Variants in CASP2 observed in about 807,000 individuals in gnomAD.
CASP2 encodes the protein caspase 2, also known as caspase-2.
A neutral mutation model predicts 54.4 loss-of-function variants in CASP2; 38 were observed. The observed-to-expected ratio is 0.70, with a 90% CI of 0.54 to 0.92. The LOEUF is 0.92. CASP2 is among the 40% of genes least tolerant of loss of function. CASP2 has a pLI of 0.00. For synonymous variants in CASP2, 215 were observed against 216.3 expected (o/e 0.99, Z 0.05); for missense variants, 512 against 579.6 (o/e 0.88, Z 1.20).
intron 8 of CASP2, chr7:143,300,790 A>C: frequency 8.5e-7 from 1 of 1,179,648 alleles, no homozygotes; most frequent in Non-Finnish European, 1.1e-6. Context: ...TGGGTCATGC[A>C]GGATAGCAGA....
In CASP2 at chr7:143,289,068, G is replaced by T. The variant is rs1171299921; in HGVS notation, c.74+539G>T. Among the ~76,000 whole-genome samples the T allele has an allele frequency of 2.0e-5, 3 of 152,306 alleles. No homozygotes were observed. In the East Asian group the frequency reaches 5.8e-4, roughly 29 times the overall value. ...CTTTTGGCAGAACAAGGGGGTTCCTGTGGCTCCGAGTGTCCATGCCTCTGC... is the reference window on the plus strand; with the variant it reads ...CTTTTGGCAGAACAAGGGGGTTCCTTTGGCTCCGAGTGTCCATGCCTCTGC... On this transcript the variant is annotated intron_variant, in intron 1 of 10. Coordinates refer to ENST00000310447, the MANE Select transcript of CASP2 (RefSeq NM_032982.4).
chr7:143,295,605 A>G (rs1801721943), intron 6 of CASP2, among the ~76,000 whole-genome samples: 1 of 152,196 alleles, frequency 6.6e-6, no homozygotes, highest in Admixed American at 6.5e-5. Context: ...AATTGCTAGG[A>G]GATTCACTTT....
At chr7:143,297,865 AAG>A (rs1202256809) in intron 6 of CASP2, among the ~76,000 whole-genome samples, 5 of 152,334 alleles carry the variant, frequency 3.3e-5, no homozygotes, top group African/African-American at 1.2e-4. Context: ...ATATTCTTGA[AAG>A]AATTTTTTGA....
At chr7:143,294,553 C>G in intron 5 of CASP2, 44 bp from the exon 6 acceptor site, 1 of 1,560,138 alleles carries the variant, frequency 6.4e-7, no homozygotes. Flanking sequence ...GAGGAATCAT[C>G]TGTTATCAAG....
At position 143,294,652 on chromosome 7, in the gene CASP2, A is replaced by C; in HGVS notation, c.626A>C (p.His209Pro). The C allele has an allele frequency of 3.7e-6, 6 of 1,614,212 alleles. No homozygotes were observed. Among genetic ancestry groups the C allele is most frequent in the Non-Finnish European group, 5.1e-6 (6 of 1,180,022 alleles). Residue 209 changes from histidine (H) to proline (P), a missense_variant, in exon 6 of 11, where the codon CAC becomes CCC. Transcript: ENST00000310447. Reference protein sequence around the residue: ...RGLALVLSNVHFTGEKELEFR... With the variant: ...RGLALVLSNVPFTGEKELEFR... ...CTAGCACTGGTGTTGAGCAATGTGC[A>C]CTTCACTGGAGAGAAAGAACTGGAA...
Position 143,289,037 on chromosome 7 carries a change from T to A in CASP2, c.74+508T>A, listed in dbSNP as rs1054787535. On this transcript the variant is annotated intron_variant, in intron 1 of 10. Transcript: ENST00000310447. ...AGAAGTCAATACAGGGTTTGGAAAT[T>A]GAGTACTTTTGGCAGAACAAGGGGG... 1.2e-4 allele frequency among the ~76,000 whole-genome samples: 18 copies of A among 152,136 alleles called. 1 individual carries two copies. Among genetic ancestry groups the A allele is most frequent in the Admixed American group, 1.2e-3 (18 of 15,274 alleles).
At chr7:143,288,694 A>C (rs1356464836) in intron 1 of CASP2, among the ~76,000 whole-genome samples, 165 bp downstream of exon 1, 1 of 151,942 alleles carries the variant, frequency 6.6e-6, no homozygotes, top group Non-Finnish European at 1.5e-5. Context: ...TCCGAGCCTG[A>C]CTCCGCGCAA....
chr7:143,296,134 T>C (rs752919247), intron 6 of CASP2, among the ~76,000 whole-genome samples: 12 of 152,268 alleles, frequency 7.9e-5, no homozygotes, highest in Non-Finnish European at 1.2e-4. Flanking sequence ...CTATATATAC[T>C]GCTGTTTTCT....
At chr7:143,296,913 T>C (rs1215358123) in intron 6 of CASP2, among the ~76,000 whole-genome samples, 6 of 152,214 alleles carry the variant, frequency 3.9e-5, no homozygotes, top group African/African-American at 1.2e-4. Context: ...TCTTTGTTAT[T>C]AAGTTTTTAT....
At position 143,291,528 on chromosome 7, in the gene CASP2, G is replaced by A. The variant is rs377592126; in HGVS notation, c.75-12G>A. ...TGACTTGACAGCCTTTCCTTCTACC[G>A]TTTATCTGTAGGATATTGGGAGTGT... On this transcript the variant is annotated splice_polypyrimidine_tract_variant and intron_variant, in intron 1 of 10. Coordinates refer to ENST00000310447, the MANE Select transcript of CASP2 (RefSeq NM_032982.4). 3.2e-5 allele frequency: 52 copies of A among 1,613,680 alleles called. No individual in the cohort carries two copies. The highest frequency in any genetic ancestry group is 2.4e-4 in the African/African-American group (18 of 74,918).
Position 143,300,638 on chromosome 7 carries a change from C to T in CASP2, c.967+344C>T, listed in dbSNP as rs562988557. The T allele has an allele frequency of 3.0e-5, 39 of 1,296,666 alleles. 1 individual carries two copies. The highest frequency in any genetic ancestry group is 2.4e-4 in the African/African-American group (16 of 65,996). The allele number at this position is 1,296,666 out of a possible 1,614,324, so 80.3% of individuals were successfully genotyped here. ...TTTTTTTGGTTACTCATTCCAGTTACGGATTTTTGATCTGTCTTTTTCCTG... is the reference window on the plus strand; with the variant it reads ...TTTTTTTGGTTACTCATTCCAGTTATGGATTTTTGATCTGTCTTTTTCCTG... On this transcript the variant is annotated intron_variant, in intron 8 of 10. Coordinates refer to ENST00000310447, the MANE Select transcript of CASP2 (RefSeq NM_032982.4).
intron 2 of CASP2, among the ~76,000 whole-genome samples, chr7:143,291,999 C>A (rs934349711): frequency 2.6e-5 from 4 of 151,302 alleles, no homozygotes; most frequent in African/African-American, 7.3e-5. Flanking sequence ...AGGAGGGTGT[C>A]GATCTCCTGA....
rs1802037289 is a variant in CASP2 at position 143,305,447 on chromosome 7, A to G, written c.*376A>G. On this transcript the variant is annotated 3_prime_UTR_variant, in exon 11 of 11. Coordinates refer to ENST00000310447, the MANE Select transcript of CASP2 (RefSeq NM_032982.4). Reference sequence around the variant, plus strand: ...GCACTTTAGTGATTGCTTTTATTACATTAGTTAAGATGTCTGAGAGACCAT... The same window carrying G: ...GCACTTTAGTGATTGCTTTTATTACGTTAGTTAAGATGTCTGAGAGACCAT... 5.8e-6 allele frequency: 2 copies of G among 343,898 alleles called. No homozygotes were observed. Among genetic ancestry groups the G allele is most frequent in the South Asian group, 2.6e-5 (1 of 38,530 alleles). 21.3% of individuals were successfully genotyped at this position (343,898 alleles called of 1,614,324 possible). A position where few individuals can be genotyped will look rare whatever the true frequency, so the allele number is the denominator to read the frequency against.
chr7:143,296,063 A>G (rs1801737030), intron 6 of CASP2, among the ~76,000 whole-genome samples: 1 of 152,226 alleles, frequency 6.6e-6, no homozygotes, highest in East Asian at 1.9e-4. Context: ...AGTTGTATGC[A>G]GCTGATAAAG....
At chr7:143,300,993 C>A in intron 8 of CASP2, 1 of 911,642 alleles carries the variant, frequency 1.1e-6, no homozygotes, top group Non-Finnish European at 1.3e-6. Flanking sequence ...CAAATTCTGA[C>A]TTCACCATTT....
intron 8 of CASP2, 163 bp from the exon 9 acceptor site, chr7:143,303,621 A>ATT (rs368340000): frequency 6.3e-4 from 336 of 533,698 alleles, no homozygotes; most frequent in Non-Finnish European, 7.8e-4. Context: ...GAGAGTAATA[A>ATT]TTTTTTTTTT....
At chr7:143,298,982 C>G (rs1425408722) in intron 6 of CASP2, among the ~76,000 whole-genome samples, 2 of 151,386 alleles carry the variant, frequency 1.3e-5, no homozygotes, top group East Asian at 3.9e-4. Context: ...TTTTTTGAGA[C>G]AGGGTCTCTC....
At chr7:143,300,678 T>C in intron 8 of CASP2, 1 of 1,219,674 alleles carries the variant, frequency 8.2e-7, no homozygotes, top group South Asian at 1.6e-5. Context: ...TCTTATTTTA[T>C]CTCCTTTCTT....
Position 143,295,929 on chromosome 7 carries a change from G to T in CASP2, c.747+1156G>T, listed in dbSNP as rs149961066. Among the ~76,000 whole-genome samples the T allele has an allele frequency of 1.3e-4, 20 of 152,322 alleles. No homozygotes were observed. The East Asian group carries it at 3.9e-3, about 29-fold the overall frequency. On this transcript the variant is annotated intron_variant, in intron 6 of 10. Coordinates refer to ENST00000310447, the MANE Select transcript of CASP2 (RefSeq NM_032982.4). Reference sequence around the variant, plus strand: ...GTCTGCTGGGCATAAAGGGGCAAAGGGCAGGGTACCAGCCATAATTCCTAC... The same window carrying T: ...GTCTGCTGGGCATAAAGGGGCAAAGTGCAGGGTACCAGCCATAATTCCTAC...
Sources: gnomAD v4.1 joint callset for allele counts (sites outside exome capture counted in the v4.1 genomes callset) on GRCh38, gnomAD v4.1.1 for gene constraint, MANE v1.5 for transcripts, NCBI Gene and HGNC (gene_info 2026-07-23, HGNC 2026-07-21) for gene names.